Variants in CYP20A1 observed in about 807,000 individuals in gnomAD.
The protein encoded by CYP20A1 is cytochrome P450 family 20 subfamily A member 1, also known as cytochrome P450 20A1.
A neutral mutation model predicts 61.4 loss-of-function variants in CYP20A1; 61 were observed. The ratio of observed to expected loss-of-function variants is 0.99; its 90% CI spans 0.81 to 1.23. The LOEUF is 1.23. Ranked by LOEUF, CYP20A1 falls within the 50% of genes most tolerant of loss-of-function variation. CYP20A1 has a pLI of 0.00. For missense variants in CYP20A1, 530 were observed against 542.4 expected (o/e 0.98, Z 0.23); for synonymous variants, 193 against 188.2 (o/e 1.03, Z -0.21).
Position 203,305,935 on chromosome 2 carries a change from T to C in CYP20A1, c.*9027T>C, listed in dbSNP as rs1671700793. Among the ~76,000 whole-genome samples the C allele has an allele frequency of 6.6e-6, 1 of 152,224 alleles. No homozygotes were observed. The highest frequency in any genetic ancestry group is 1.5e-5 in the Non-Finnish European group (1 of 68,036). On this transcript the variant is annotated 3_prime_UTR_variant, in exon 13 of 13. Transcript: ENST00000356079. The stretch of plus-strand genomic sequence containing the variant: ...ATTAATAGAAGTGTTTAAGAGGATG[T>C]TGTATGCCTGCCTTCCACTCATGCC...
intron 4 of CYP20A1, among the ~76,000 whole-genome samples, chr2:203,257,219 A>G (rs1311386141): frequency 6.6e-6 from 1 of 151,306 alleles, no homozygotes; most frequent in East Asian, 1.9e-4. Context: ...TCGAGAGTCT[A>G]TGAGGCGGGA....
chr2:203,277,237 A>G (rs1415075050), intron 6 of CYP20A1, among the ~76,000 whole-genome samples: 1 of 151,982 alleles, frequency 6.6e-6, no homozygotes, highest in Non-Finnish European at 1.5e-5. Context: ...AGTCCCAGCT[A>G]CTCAGGAGGC....
At chr2:203,272,798 C>T (rs1248035638) in intron 6 of CYP20A1, 50 bp downstream of exon 6, 9 of 1,126,698 alleles carry the variant, frequency 8.0e-6, no homozygotes, top group Non-Finnish European at 1.2e-5. Flanking sequence ...AAATGTGCCC[C>T]AGTTTTAATA....
At chr2:203,274,158 TA>T (rs1485595571) in intron 6 of CYP20A1, among the ~76,000 whole-genome samples, 2 of 151,424 alleles carry the variant, frequency 1.3e-5, no homozygotes, top group Admixed American at 6.6e-5. Flanking sequence ...GTTGAATAAT[TA>T]TAAAGCTTTA....
chr2:203,292,339 T>C lies in CYP20A1; in HGVS notation c.1148+13T>C. On this transcript the variant is annotated intron_variant, in intron 11 of 12. Coordinates refer to ENST00000356079, the MANE Select transcript of CYP20A1 (RefSeq NM_177538.3). The stretch of plus-strand genomic sequence containing the variant: ...CATCTCCACACAAGTATGAAATATT[T>C]GTCATTGTATTTGTGACTGTCAGTT... The C allele has an allele frequency of 3.1e-6, 5 of 1,597,522 alleles. No homozygotes were observed. The highest frequency in any genetic ancestry group is 3.4e-6 in the Non-Finnish European group (4 of 1,165,298).
At chr2:203,282,389 C>T (rs746282224) in intron 8 of CYP20A1, among the ~76,000 whole-genome samples, 3 of 151,972 alleles carry the variant, frequency 2.0e-5, no homozygotes, top group Non-Finnish European at 2.9e-5. Context: ...GTCCCAGCTA[C>T]GTTGGAGGCT....
At position 203,269,881 on chromosome 2, in the gene CYP20A1, A is replaced by C. The variant is rs1487609676; in HGVS notation, c.601-2789A>C. On this transcript the variant is annotated intron_variant, in intron 5 of 12. Coordinates refer to ENST00000356079, the MANE Select transcript of CYP20A1 (RefSeq NM_177538.3). ...TGACCTCAGGTGATCTGCCCACCTC[A>C]GCCTCCCAAAGTGCTGGGATTACAG... is the stretch of plus-strand genomic sequence containing the variant. 2.6e-5 allele frequency among the ~76,000 whole-genome samples: 4 copies of C among 152,102 alleles called. No individual in the cohort carries two copies. The East Asian group carries it at 7.7e-4, about 29-fold the overall frequency.
chr2:203,282,455 A>G (rs2152097853), intron 8 of CYP20A1, among the ~76,000 whole-genome samples: 1 of 152,240 alleles, frequency 6.6e-6, no homozygotes, highest in Admixed American at 6.5e-5. Flanking sequence ...CAATAAAACA[A>G]GACCCCAGCT....
rs968232138 is a variant in CYP20A1 at position 203,303,968 on chromosome 2, C to A, written c.*7060C>A. Among the ~76,000 whole-genome samples the A allele has an allele frequency of 2.6e-5, 4 of 151,854 alleles. No individual in the cohort carries two copies. Among genetic ancestry groups the A allele is most frequent in the Non-Finnish European group, 5.9e-5 (4 of 68,002 alleles). ...GGTGCCGTGGCTCACACCTGTAATCCCAGCACTTTGGGAGTCCAAAGTGGG... is the reference window on the plus strand; with the variant it reads ...GGTGCCGTGGCTCACACCTGTAATCACAGCACTTTGGGAGTCCAAAGTGGG... On this transcript the variant is annotated 3_prime_UTR_variant, in exon 13 of 13. Coordinates refer to ENST00000356079, the MANE Select transcript of CYP20A1 (RefSeq NM_177538.3).
intron 6 of CYP20A1, among the ~76,000 whole-genome samples, chr2:203,276,149 G>T (rs761924053): frequency 5.3e-5 from 8 of 152,192 alleles, no homozygotes; most frequent in Non-Finnish European, 8.8e-5. Flanking sequence ...AGTAATTACA[G>T]AGTCCTTGAA....
intron 4 of CYP20A1, among the ~76,000 whole-genome samples, chr2:203,258,784 T>C (rs1331188706): frequency 6.6e-6 from 1 of 152,190 alleles, no homozygotes; most frequent in Non-Finnish European, 1.5e-5. Flanking sequence ...CTGCTTTTTG[T>C]TTGCCATAGC....
chr2:203,248,592 G>T (rs2066545979), intron 3 of CYP20A1, among the ~76,000 whole-genome samples: 1 of 152,148 alleles, frequency 6.6e-6, no homozygotes, highest in South Asian at 2.1e-4. Flanking sequence ...AAAGAGTAGA[G>T]AGTTCAGAAG....
intron 10 of CYP20A1, 63 bp from the exon 11 acceptor site, chr2:203,292,199 G>A: frequency 9.9e-7 from 1 of 1,013,508 alleles, no homozygotes; most frequent in Non-Finnish European, 1.5e-6. Flanking sequence ...GGAATAAGTT[G>A]ACTTTCTAGG....
chr2:203,271,066 A>G (rs1212754185), intron 5 of CYP20A1, among the ~76,000 whole-genome samples: 32 of 66,272 alleles, frequency 4.8e-4, no homozygotes, highest in African/African-American at 9.6e-4. Flanking sequence ...ATATATATAT[A>G]TATATATATA....
At chr2:203,244,234 C>G (rs114643310) in intron 1 of CYP20A1, among the ~76,000 whole-genome samples, 1,865 of 152,080 alleles carry the variant, frequency 0.012, 17 homozygotes, top group Non-Finnish European at 0.018. Context: ...CAGAGTCTGA[C>G]TCTGTCATCC....
At chr2:203,242,748 G>A (rs1323552996) in intron 1 of CYP20A1, among the ~76,000 whole-genome samples, 1 of 151,494 alleles carries the variant, frequency 6.6e-6, no homozygotes, top group South Asian at 2.1e-4. Context: ...CCAAGATGGC[G>A]CCATTGCACT....
intron 2 of CYP20A1, 26 bp downstream of exon 2, chr2:203,245,921 A>C (rs2066444373): frequency 6.2e-6 from 9 of 1,455,886 alleles, no homozygotes; most frequent in Admixed American, 1.8e-5. Context: ...CTTGGAATTA[A>C]GTAGAGTTAA....
At chr2:203,249,787 G>A (rs2066592866) in intron 3 of CYP20A1, among the ~76,000 whole-genome samples, 1 of 152,086 alleles carries the variant, frequency 6.6e-6, no homozygotes, top group Non-Finnish European at 1.5e-5. Context: ...GGAGGTTGTG[G>A]TAAGCCGAGA....
rs34703107 is a variant in CYP20A1, at chr2:203,298,551, A to AG, written c.*1643_*1644insG. Among the ~76,000 whole-genome samples the AG allele has an allele frequency of 6.7e-6, 1 of 149,762 alleles. No homozygotes were observed. The highest frequency in any genetic ancestry group is 1.5e-5 in the Non-Finnish European group (1 of 67,476). On this transcript the variant is annotated 3_prime_UTR_variant, in exon 13 of 13. Transcript: ENST00000356079. ...AAAAATACAAAAAAAAAAAAAAAAA[A>AG]TTAGCCAGATGTGGTGGTGCACATT...
Sources: gnomAD v4.1 joint callset for allele counts (sites outside exome capture counted in the v4.1 genomes callset) on GRCh38, gnomAD v4.1.1 for gene constraint, MANE v1.5 for transcripts, NCBI Gene and HGNC (gene_info 2026-07-23, HGNC 2026-07-21) for gene names.